Variants in SCIN observed in about 807,000 individuals in gnomAD.
SCIN encodes the protein scinderin, also known as adseverin.
In SCIN, 91 loss-of-function variants were observed where a neutral mutation model predicts 91.8. That is an observed-to-expected ratio of 0.99 (90% confidence interval 0.84 to 1.18). The LOEUF is 1.18. Ranked by LOEUF, SCIN falls within the 50% of genes most tolerant of loss-of-function variation. The pLI, the probability that SCIN is intolerant of heterozygous loss-of-function variation, is 0.00. For missense variants in SCIN, 1,087 were observed against 863.9 expected (o/e 1.26, Z -3.24); for synonymous variants, 367 against 312.6 (o/e 1.17, Z -1.84).
chr7:12,645,664 C>T (rs144700097), intron 13 of SCIN, among the ~76,000 whole-genome samples: 4 of 152,164 alleles, frequency 2.6e-5, no homozygotes, highest in Non-Finnish European at 2.9e-5. Flanking sequence ...TTTCGATAGG[C>T]CCCCAGTGTG....
chr7:12,627,155 C>T lies in SCIN; in HGVS notation c.1197+356C>T, dbSNP rs918513016. ...ACACATATATCTGTGTGTATATATA[C>T]ATATATATTTATAAATGTATATCTA... is the stretch of plus-strand genomic sequence containing the variant. On this transcript the variant is annotated intron_variant, in intron 8 of 15. Coordinates refer to ENST00000297029, the MANE Select transcript of SCIN (RefSeq NM_001112706.3). 2.6e-5 allele frequency among the ~76,000 whole-genome samples: 4 copies of T among 152,006 alleles called. No individual in the cohort carries two copies. In the South Asian group the frequency reaches 8.3e-4, roughly 32 times the overall value.
intron 2 of SCIN, among the ~76,000 whole-genome samples, chr7:12,579,690 C>G (rs1262682710): frequency 6.6e-6 from 1 of 152,128 alleles, no homozygotes; most frequent in Admixed American, 6.6e-5. Flanking sequence ...CCAAAGCAGA[C>G]GGATCACCTG....
Position 12,629,090 on chromosome 7 carries a change from A to T in SCIN, c.1198-11A>T. 1 of 1,607,594 alleles carries T rather than the reference A, an allele frequency of 6.2e-7. No individual in the cohort carries two copies. The highest frequency in any genetic ancestry group is 1.3e-5 in the African/African-American group (1 of 74,818). Reference sequence around the variant, plus strand: ...AATTGTAATTTGTTGTATATATTCCATTCCTTCCAGATTTGGCGTGTAGAA... The same window carrying T: ...AATTGTAATTTGTTGTATATATTCCTTTCCTTCCAGATTTGGCGTGTAGAA... On this transcript the variant is annotated splice_polypyrimidine_tract_variant and intron_variant, in intron 8 of 15. Transcript: ENST00000297029.
At position 12,585,714 on chromosome 7, in the gene SCIN, C is replaced by G. The variant is rs371202935; in HGVS notation, c.516+4493C>G. 5.9e-5 allele frequency among the ~76,000 whole-genome samples: 9 copies of G among 152,308 alleles called. No individual in the cohort carries two copies. In the East Asian group the frequency reaches 1.7e-3, roughly 29 times the overall value. ...TACATTCATTTAATTGCTATCCTAGCCTGTTCCACCTTCTAATTATCTCTT... is the reference window on the plus strand; with the variant it reads ...TACATTCATTTAATTGCTATCCTAGGCTGTTCCACCTTCTAATTATCTCTT... On this transcript the variant is annotated intron_variant, in intron 3 of 15. Coordinates refer to ENST00000297029, the MANE Select transcript of SCIN (RefSeq NM_001112706.3).
chr7:12,602,619 T>C (rs1254483920), intron 3 of SCIN, among the ~76,000 whole-genome samples: 6 of 152,054 alleles, frequency 3.9e-5, no homozygotes, highest in African/African-American at 1.4e-4. Flanking sequence ...TTTCCTAGGG[T>C]CTTAATATTA....
intron 3 of SCIN, among the ~76,000 whole-genome samples, chr7:12,597,496 T>G (rs1782868092): frequency 6.6e-6 from 1 of 152,218 alleles, no homozygotes; most frequent in Admixed American, 6.5e-5. Flanking sequence ...TTTTGGGTGC[T>G]CCTTTAAACA....
chr7:12,638,642 G>T (rs949556306), intron 10 of SCIN, among the ~76,000 whole-genome samples: 4 of 152,112 alleles, frequency 2.6e-5, no homozygotes, highest in Admixed American at 2.0e-4. Context: ...ATAGAGAGAG[G>T]CAAGTTAGAC....
intron 3 of SCIN, among the ~76,000 whole-genome samples, chr7:12,587,405 C>T (rs550961090): frequency 2.0e-5 from 3 of 152,326 alleles, no homozygotes; most frequent in Admixed American, 2.0e-4. Context: ...TCAGTCCTCA[C>T]TAATCTATAA....
chr7:12,637,490 A>C (rs1304569074), intron 10 of SCIN, among the ~76,000 whole-genome samples: 1 of 151,948 alleles, frequency 6.6e-6, no homozygotes, highest in Non-Finnish European at 1.5e-5. Flanking sequence ...AGACAGGGAG[A>C]AAGGGGAAAG....
intron 5 of SCIN, 79 bp downstream of exon 5, chr7:12,622,972 G>T (rs1053670900): frequency 1.2e-5 from 11 of 929,890 alleles, no homozygotes; most frequent in Non-Finnish European, 1.7e-5. Context: ...CGGGATTCCC[G>T]TTGCTGCAGT....
intron 1 of SCIN, among the ~76,000 whole-genome samples, chr7:12,574,765 G>A (rs1420952331): frequency 6.6e-6 from 1 of 152,074 alleles, no homozygotes; most frequent in African/African-American, 2.4e-5. Context: ...TTAGTATCAG[G>A]TAGAGTGATT....
In SCIN at chr7:12,652,714, A is replaced by C; in HGVS notation, c.2147A>C (p.Ter716SerextTer33). The change falls in exon 16 of 16, where the codon TAA becomes TCA. Residue 716 changes from the stop codon to serine (S), a stop_lost. Coordinates refer to ENST00000297029, the MANE Select transcript of SCIN (RefSeq NM_001112706.3). ...WFLGWDSSKW[*>S] is the part of the protein sequence containing the mutation. ...CTGGGCTGGGATTCCAGCAAGTGGTAAATTGGTATTTGTAAAAAGCAAACA... is the reference window on the plus strand; with the variant it reads ...CTGGGCTGGGATTCCAGCAAGTGGTCAATTGGTATTTGTAAAAAGCAAACA... The C allele has an allele frequency of 6.2e-7, 1 of 1,602,596 alleles. No homozygotes were observed. The highest frequency in any genetic ancestry group is 8.5e-7 in the Non-Finnish European group (1 of 1,176,610).
At chr7:12,646,072 C>T (rs1267599291) in intron 13 of SCIN, among the ~76,000 whole-genome samples, 2 of 152,124 alleles carry the variant, frequency 1.3e-5, no homozygotes, top group South Asian at 2.1e-4. Flanking sequence ...GGGCAAAAAT[C>T]ACAGAAAGCT....
chr7:12,581,917 A>G (rs1028224654), intron 3 of SCIN, among the ~76,000 whole-genome samples: 1 of 152,236 alleles, frequency 6.6e-6, no homozygotes, highest in African/African-American at 2.4e-5. Flanking sequence ...TATAATAGAA[A>G]TAAAGAGCAT....
Position 12,578,206 on chromosome 7 carries a change from T to C in SCIN, c.342T>C (p.Gly114=), listed in dbSNP as rs773563964. 1.9e-6 allele frequency: 3 copies of C among 1,546,836 alleles called. No homozygotes were observed. Among genetic ancestry groups the C allele is most frequent in the Middle Eastern group, 3.4e-4 (2 of 5,920 alleles). ...SNDFVSYFKG[G]LKYKAGGVAS... ...ACTTTGTTAGCTATTTCAAAGGCGG[T>C]CTGAAATACAAGGTAAGCAGCTCCC... The change falls in exon 2 of 16, where the codon GGT becomes GGC. Residue 114 remains glycine, a synonymous_variant. Coordinates refer to ENST00000297029, the MANE Select transcript of SCIN (RefSeq NM_001112706.3).
At chr7:12,622,753 T>A (rs1247970073) in intron 4 of SCIN, 48 bp from the exon 5 acceptor site, 3 of 1,283,494 alleles carry the variant, frequency 2.3e-6, no homozygotes, top group Non-Finnish European at 3.4e-6. Context: ...CTCTGCATCC[T>A]TCAATGGGAG....
chr7:12,579,184 C>T (rs565785683), intron 2 of SCIN, among the ~76,000 whole-genome samples: 11 of 152,078 alleles, frequency 7.2e-5, no homozygotes, highest in South Asian at 6.2e-4. Context: ...ACTAAGATGG[C>T]GAGGTTTATT....
chr7:12,634,712 C>G lies in SCIN; in HGVS notation c.1320-1333C>G, dbSNP rs1417232575. 3.3e-5 allele frequency among the ~76,000 whole-genome samples: 5 copies of G among 152,038 alleles called. No individual in the cohort carries two copies. The East Asian group carries it at 9.7e-4, about 29-fold the overall frequency. On this transcript the variant is annotated intron_variant, in intron 9 of 15. Transcript: ENST00000297029. ...TTTGGGGCTTTGTTTTGTTTTTTTA[C>G]TGTCTTCTCTACAAGCTCATCAAAC...
intron 3 of SCIN, 123 bp from the exon 4 acceptor site, chr7:12,604,391 A>T: frequency 1.2e-6 from 1 of 814,632 alleles, no homozygotes; most frequent in Non-Finnish European, 1.9e-6. Flanking sequence ...ACAATTATGT[A>T]TATACCTCAA....
Sources: allele counts gnomAD v4.1 joint callset (sites outside exome capture counted in the v4.1 genomes callset), GRCh38; gene constraint gnomAD v4.1.1; transcripts MANE v1.5; gene names NCBI Gene and HGNC (gene_info 2026-07-23, HGNC 2026-07-21).